Variants in GREB1L observed in about 807,000 individuals in gnomAD.
GREB1L encodes the protein GREB1 like retinoic acid receptor coactivator.
GREB1L carries 17 observed loss-of-function variants against 200.8 expected under a neutral mutation model. The observed-to-expected ratio is 0.08, with a 90% confidence interval of 0.06 to 0.13. The LOEUF is 0.13. Ranked by LOEUF, GREB1L falls within the 10% of genes least tolerant of loss-of-function variation. The pLI is 1.00. For missense variants in GREB1L, 1,657 were observed against 2,367.7 expected (o/e 0.70, Z 6.23); for synonymous variants, 789 against 893.0 (o/e 0.88, Z 2.08).
At chr18:21,307,616 T>C (rs1028921531) in intron 1 of GREB1L, among the ~76,000 whole-genome samples, 3 of 152,166 alleles carry the variant, frequency 2.0e-5, no homozygotes, top group African/African-American at 7.2e-5. Context: ...ATCTTCCTTT[T>C]ACCCCTTCTG....
chr18:21,483,784 C>T (rs528323782), intron 17 of GREB1L, among the ~76,000 whole-genome samples: 80 of 151,968 alleles, frequency 5.3e-4, no homozygotes, highest in African/African-American at 1.9e-3. Flanking sequence ...CGACACCAGC[C>T]TGCTAACATG....
intron 2 of GREB1L, among the ~76,000 whole-genome samples, chr18:21,376,308 G>A (rs1426639874): frequency 1.3e-5 from 2 of 151,230 alleles, no homozygotes; most frequent in African/African-American, 2.4e-5. Flanking sequence ...TAGTAGAGAC[G>A]GGGTTTTGCA....
chr18:21,256,894 A>T (rs1290759229), intron 1 of GREB1L, among the ~76,000 whole-genome samples: 1 of 151,312 alleles, frequency 6.6e-6, no homozygotes, highest in South Asian at 2.1e-4. Flanking sequence ...AATCCTAGCT[A>T]CTCAAGAGGC....
chr18:21,425,304 T>C (rs2032475271), intron 7 of GREB1L, among the ~76,000 whole-genome samples: 1 of 152,200 alleles, frequency 6.6e-6, no homozygotes, highest in East Asian at 1.9e-4. Flanking sequence ...CATCAGTTGA[T>C]GGGCATTTGG....
Position 21,449,571 on chromosome 18 carries a change from A to G in GREB1L, c.1455A>G (p.Glu485=). The G allele has an allele frequency of 6.4e-7, 1 of 1,551,490 alleles. No individual in the cohort carries two copies. The highest frequency in any genetic ancestry group is 8.7e-7 in the Non-Finnish European group (1 of 1,146,910). Residue 485 remains glutamate (E), a synonymous_variant, in exon 12 of 33, where the codon GAA becomes GAG. Transcript: ENST00000424526. ...AAATTATGCTGAAAGCTATGCAAGAATTTACTCTGAGAGAAAGAGCCCTGC... is the reference window on the plus strand; with the variant it reads ...AAATTATGCTGAAAGCTATGCAAGAGTTTACTCTGAGAGAAAGAGCCCTGC... ...FEQIMLKAMQ[E]FTLRERALQI... is the part of the protein sequence containing the mutation.
At chr18:21,402,513 TTTCCTTTCCCC>T (rs2041361483) in intron 6 of GREB1L, among the ~76,000 whole-genome samples, 1 of 151,078 alleles carries the variant, frequency 6.6e-6, no homozygotes, top group East Asian at 1.9e-4. Flanking sequence ...TTCCTTTTCC[TTTCCTTTCCCC>T]TTCCTTTCCT....
intron 1 of GREB1L, among the ~76,000 whole-genome samples, chr18:21,302,992 AT>A (rs1479852341): frequency 2.0e-5 from 3 of 152,112 alleles, no homozygotes; most frequent in African/African-American, 7.2e-5. Flanking sequence ...AAGTGCTGGG[AT>A]TACAGGCATG....
intron 7 of GREB1L, among the ~76,000 whole-genome samples, chr18:21,438,420 T>C (rs2033680619): frequency 6.6e-6 from 1 of 152,052 alleles, no homozygotes; most frequent in Admixed American, 6.6e-5. Flanking sequence ...ATCCCAACAC[T>C]TTGGGAAGCC....
At position 21,526,093 on chromosome 18, in the gene GREB1L, G is replaced by C. The variant is rs928106891; in HGVS notation, c.*3272G>C. Reference sequence around the variant, plus strand: ...AGGCCTGAAACAACATCCAGAGAACGAACATTTATCAAGCTTCTCTTTAGA... The same window carrying C: ...AGGCCTGAAACAACATCCAGAGAACCAACATTTATCAAGCTTCTCTTTAGA... On this transcript the variant is annotated 3_prime_UTR_variant, in exon 33 of 33. Coordinates refer to ENST00000424526, the MANE Select transcript of GREB1L (RefSeq NM_001142966.3). Among the ~76,000 whole-genome samples the C allele has an allele frequency of 3.3e-5, 5 of 151,968 alleles. No individual in the cohort carries two copies. Among genetic ancestry groups the C allele is most frequent in the African/African-American group, 9.7e-5 (4 of 41,352 alleles).
intron 1 of GREB1L, among the ~76,000 whole-genome samples, chr18:21,249,840 CAA>C (rs1370130560): frequency 1.4e-5 from 2 of 142,808 alleles, no homozygotes; most frequent in Non-Finnish European, 3.0e-5. Flanking sequence ...AGCCTGGCAA[CAA>C]GAGCAAAACT....
chr18:21,269,079 G>A (rs1377620791), intron 1 of GREB1L, among the ~76,000 whole-genome samples: 1 of 152,164 alleles, frequency 6.6e-6, no homozygotes, highest in Non-Finnish European at 1.5e-5. Flanking sequence ...TAGGTGAGTA[G>A]TTATAAATGC....
chr18:21,245,553 CCT>C (rs1340420773), intron 1 of GREB1L, among the ~76,000 whole-genome samples: 22 of 152,008 alleles, frequency 1.4e-4, no homozygotes, highest in Admixed American at 1.2e-3. Context: ...TAATTTTCAC[CCT>C]GTTTTTTATA....
chr18:21,313,528 G>C (rs1256568095), intron 1 of GREB1L, among the ~76,000 whole-genome samples: 1 of 152,114 alleles, frequency 6.6e-6, no homozygotes, highest in Non-Finnish European at 1.5e-5. Flanking sequence ...AGCTAATGAG[G>C]GGCAAAGGAG....
intron 1 of GREB1L, among the ~76,000 whole-genome samples, chr18:21,344,045 G>C (rs2039307601): frequency 6.6e-6 from 1 of 152,060 alleles, no homozygotes; most frequent in African/African-American, 2.4e-5. Context: ...AAAGTGTTAG[G>C]ATTACAGGCA....
chr18:21,332,898 T>G (rs2039126377), intron 1 of GREB1L, among the ~76,000 whole-genome samples: 1 of 151,902 alleles, frequency 6.6e-6, no homozygotes, highest in Non-Finnish European at 1.5e-5. Context: ...CTGGGCAACA[T>G]AGTGAGACCC....
intron 1 of GREB1L, among the ~76,000 whole-genome samples, chr18:21,291,311 A>G (rs1354784670): frequency 2.0e-5 from 3 of 152,144 alleles, no homozygotes; most frequent in South Asian, 4.1e-4. Flanking sequence ...TTGCCTGATG[A>G]CAGCCTGGCT....
chr18:21,443,439 T>G (rs533301158), intron 10 of GREB1L, among the ~76,000 whole-genome samples: 1 of 152,252 alleles, frequency 6.6e-6, no homozygotes, highest in Non-Finnish European at 1.5e-5. Flanking sequence ...ACTCCCGACC[T>G]CAGGTGATCC....
At chr18:21,437,004 C>G (rs2033590951) in intron 7 of GREB1L, among the ~76,000 whole-genome samples, 1 of 152,188 alleles carries the variant, frequency 6.6e-6, no homozygotes, top group East Asian at 1.9e-4. Context: ...ACCCATGGCA[C>G]CCAGCCAAGT....
At position 21,444,399 on chromosome 18, in the gene GREB1L, T is replaced by C; in HGVS notation, c.1383T>C (p.Leu461=). 1.3e-6 allele frequency: 2 copies of C among 1,551,678 alleles called. No individual in the cohort carries two copies. The highest frequency in any genetic ancestry group is 2.0e-5 in the Admixed American group (1 of 50,946). ...TGATTCTTCTGACGATACAGTATCT[T>C]GTGCGGCTGGGTAAGTCATTTTCCA... ...ENMILLTIQY[L]VRLGPDQVPL... Residue 461 remains leucine (L), a synonymous_variant, in exon 11 of 33, where the codon CTT becomes CTC. Coordinates refer to ENST00000424526, the MANE Select transcript of GREB1L (RefSeq NM_001142966.3).
Sources: allele counts gnomAD v4.1 joint callset (sites outside exome capture counted in the v4.1 genomes callset), GRCh38; gene constraint gnomAD v4.1.1; transcripts MANE v1.5; gene names NCBI Gene and HGNC (gene_info 2026-07-23, HGNC 2026-07-21).